Variants in NBEAL1 observed in about 807,000 individuals in gnomAD.
NBEAL1 encodes the protein neurobeachin-like protein 1.
A neutral mutation model predicts 351.3 loss-of-function variants in NBEAL1; 273 were observed. The observed-to-expected ratio is 0.78, with a 90% CI of 0.70 to 0.86. NBEAL1 has a LOEUF of 0.86. Ranked by LOEUF, NBEAL1 falls within the 40% of genes least tolerant of loss-of-function variation. NBEAL1 has a pLI of 0.00. For synonymous variants in NBEAL1, 1,050 were observed against 1,086.4 expected (o/e 0.97, Z 0.66); for missense variants, 2,961 against 3,201.3 (o/e 0.92, Z 1.81).
At chr2:203,096,157 T>C (rs1423004658) in intron 10 of NBEAL1, among the ~76,000 whole-genome samples, 2 of 152,204 alleles carry the variant, frequency 1.3e-5, no homozygotes, top group African/African-American at 4.8e-5. Context: ...TGATGAGGTA[T>C]TTTTCTCCCT....
chr2:203,019,722 A>G lies in NBEAL1; in HGVS notation c.51+3287A>G, dbSNP rs548122366. ...TCAGGTTTTAAAGTTGTCCCTGAAC[A>G]TTGCAAAAGTTCAGTAGGTCTAGTA... On this transcript the variant is annotated intron_variant, in intron 2 of 55. Coordinates refer to ENST00000683969, the MANE Select transcript of NBEAL1 (RefSeq NM_001378026.1). Among the ~76,000 whole-genome samples the G allele has an allele frequency of 9.2e-5, 14 of 152,306 alleles. No homozygotes were observed. In the East Asian group the frequency reaches 1.9e-3, roughly 21 times the overall value.
At chr2:203,179,439 C>G (rs1401530261) in intron 42 of NBEAL1, among the ~76,000 whole-genome samples, 1 of 152,104 alleles carries the variant, frequency 6.6e-6, no homozygotes, top group Non-Finnish European at 1.5e-5. Flanking sequence ...CTGTGAATAG[C>G]CACTGCACTC....
chr2:203,148,234 A>G (rs372916974), intron 33 of NBEAL1, among the ~76,000 whole-genome samples: 4 of 152,024 alleles, frequency 2.6e-5, no homozygotes, highest in African/African-American at 9.7e-5. Context: ...TGTTAACCTC[A>G]TTTTACACAT....
chr2:203,104,863 CT>C (rs1465620021), intron 12 of NBEAL1, among the ~76,000 whole-genome samples: 11 of 150,718 alleles, frequency 7.3e-5, no homozygotes, highest in Admixed American at 4.0e-4. Flanking sequence ...TTTTTTCTTT[CT>C]TTCTTTTTTT....
intron 35 of NBEAL1, among the ~76,000 whole-genome samples, chr2:203,152,496 A>G (rs2063684176): frequency 6.6e-6 from 1 of 151,558 alleles, no homozygotes. Context: ...AGGCTGAGGC[A>G]GGAGAATTGC....
intron 35 of NBEAL1, 37 bp downstream of exon 35, chr2:203,151,626 T>C: frequency 6.4e-7 from 1 of 1,551,018 alleles, no homozygotes; most frequent in Middle Eastern, 1.7e-4. Flanking sequence ...TTGTTGAAGA[T>C]AATGAGAGTG....
chr2:203,213,771 G>T (rs2065852066), intron 55 of NBEAL1, 118 bp downstream of exon 55: 2 of 1,529,870 alleles, frequency 1.3e-6, no homozygotes, highest in South Asian at 2.5e-5. Flanking sequence ...AGCCAAATTT[G>T]ATTTTTCAAA....
At chr2:203,145,198 T>C (rs769793185) in intron 33 of NBEAL1, 38 bp downstream of exon 33, 1 of 1,568,020 alleles carries the variant, frequency 6.4e-7, no homozygotes, top group Non-Finnish European at 8.6e-7. Flanking sequence ...TTTTTCTTGT[T>C]GATTTTAGGC....
chr2:203,169,248 A>G (rs925633838), intron 38 of NBEAL1, among the ~76,000 whole-genome samples: 5 of 152,132 alleles, frequency 3.3e-5, no homozygotes, highest in African/African-American at 1.2e-4. Flanking sequence ...AGAGACAGAA[A>G]TTAGATTAAT....
At chr2:203,160,637 A>G (rs901848404) in intron 36 of NBEAL1, among the ~76,000 whole-genome samples, 2 of 152,172 alleles carry the variant, frequency 1.3e-5, no homozygotes, top group African/African-American at 4.8e-5. Context: ...AAAAAAAACT[A>G]TACATTTTTG....
intron 8 of NBEAL1, among the ~76,000 whole-genome samples, chr2:203,082,502 C>T (rs1350076782): frequency 6.6e-6 from 1 of 152,154 alleles, no homozygotes; most frequent in East Asian, 1.9e-4. Flanking sequence ...CAATTTAGGG[C>T]AATACATATT....
chr2:203,109,812 G>A (rs1162201334), intron 14 of NBEAL1, among the ~76,000 whole-genome samples: 1 of 152,150 alleles, frequency 6.6e-6, no homozygotes, highest in Non-Finnish European at 1.5e-5. Flanking sequence ...GAGCCACCGC[G>A]CCTGGCCTAT....
At chr2:203,044,103 T>C (rs751824221) in intron 3 of NBEAL1, among the ~76,000 whole-genome samples, 4 of 152,160 alleles carry the variant, frequency 2.6e-5, no homozygotes, top group Non-Finnish European at 4.4e-5. Context: ...ATAATTGTGA[T>C]AATCCAGAGA....
At position 203,221,940 on chromosome 2, in the gene NBEAL1, G is replaced by A. The variant is rs1170813136; in HGVS notation, c.*4586G>A. Among the ~76,000 whole-genome samples the A allele has an allele frequency of 1.3e-5, 2 of 152,142 alleles. No homozygotes were observed. Among genetic ancestry groups the A allele is most frequent in the Admixed American group, 1.3e-4 (2 of 15,270 alleles). On this transcript the variant is annotated 3_prime_UTR_variant, in exon 56 of 56. Transcript: ENST00000683969. ...ATGGTGGCTCATGCCTATAATCTCA[G>A]CACTTTAGGAGGCTGAGGCAGGAGG...
chr2:203,136,876 C>A, intron 29 of NBEAL1, 102 bp downstream of exon 29: 1 of 1,062,682 alleles, frequency 9.4e-7, no homozygotes, highest in Non-Finnish European at 1.4e-6. Flanking sequence ...GTGGATATAA[C>A]AAGGGAGAAA....
At chr2:203,051,450 G>T (rs200477489) in intron 4 of NBEAL1, among the ~76,000 whole-genome samples, 1 of 151,872 alleles carries the variant, frequency 6.6e-6, no homozygotes, top group East Asian at 1.9e-4. Flanking sequence ...AGGCTGAGAG[G>T]CAGGAAAATT....
intron 36 of NBEAL1, among the ~76,000 whole-genome samples, chr2:203,163,564 C>G (rs1385720424): frequency 6.6e-6 from 1 of 152,054 alleles, no homozygotes; most frequent in Non-Finnish European, 1.5e-5. Context: ...TGTGTTCTTC[C>G]CAATCAATCC....
chr2:203,173,312 G>T (rs2064381889), intron 41 of NBEAL1, among the ~76,000 whole-genome samples: 1 of 152,056 alleles, frequency 6.6e-6, no homozygotes, highest in Non-Finnish European at 1.5e-5. Flanking sequence ...ATTTTGATAA[G>T]AAGAAGAAGA....
At chr2:203,102,756 G>T (rs2062353612) in intron 12 of NBEAL1, among the ~76,000 whole-genome samples, 1 of 152,146 alleles carries the variant, frequency 6.6e-6, no homozygotes, top group South Asian at 2.1e-4. Flanking sequence ...AAGGATATTG[G>T]CCTGAAGTTT....
Sources: allele counts gnomAD v4.1 joint callset (sites outside exome capture counted in the v4.1 genomes callset), GRCh38; gene constraint gnomAD v4.1.1; transcripts MANE v1.5; gene names NCBI Gene and HGNC (gene_info 2026-07-23, HGNC 2026-07-21).